LRP1B: variants seen among roughly 807,000 people sequenced by gnomAD.
LRP1B encodes LDL receptor related protein 1B.
Under a neutral mutation model 556.6 loss-of-function variants are expected in LRP1B, and 217 were observed. That is an observed-to-expected ratio of 0.39 (90% CI 0.35 to 0.44). The LOEUF (loss-of-function observed/expected upper bound fraction) is 0.44, where lower values mean the gene tolerates loss of function less well. LRP1B is among the 20% of genes least tolerant of loss of function. LRP1B has a pLI of 1.00. For missense variants in LRP1B, 5,053 were observed against 5,620.8 expected (o/e 0.90, Z 3.23); for synonymous variants, 2,047 against 1,865.8 (o/e 1.10, Z -2.50).
chr2:142,121,277 C>A (rs564528018), intron 1 of LRP1B, among the ~76,000 whole-genome samples: 2 of 152,154 alleles, frequency 1.3e-5, no homozygotes, highest in Non-Finnish European at 2.9e-5. Context: ...TCAGACCAAG[C>A]ATGATCTCTT....
intron 43 of LRP1B, among the ~76,000 whole-genome samples, chr2:140,579,037 G>A (rs1158215614): frequency 6.6e-6 from 1 of 152,026 alleles, no homozygotes; most frequent in African/African-American, 2.4e-5. Context: ...CGAGGAGACG[G>A]AACAGGGGAA....
At chr2:140,285,750 T>A (rs1224405343) in intron 84 of LRP1B, among the ~76,000 whole-genome samples, 2 of 151,776 alleles carry the variant, frequency 1.3e-5, no homozygotes, top group African/African-American at 4.8e-5. Flanking sequence ...AATTAATCAA[T>A]AAAATACTAA....
At position 140,501,620 on chromosome 2, in the gene LRP1B, T is replaced by A. The variant is rs1412645634; in HGVS notation, c.8850+67A>T. The A allele has an allele frequency of 3.3e-6, 4 of 1,204,108 alleles. No individual in the cohort carries two copies. The East Asian group carries it at 7.5e-5, about 23-fold the overall frequency. 74.6% of individuals were successfully genotyped at this position (1,204,108 alleles called of 1,614,324 possible). A position where few individuals can be genotyped will look rare whatever the true frequency, so the allele number is the denominator to read the frequency against. On this transcript the variant is annotated intron_variant, in intron 55 of 90. Transcript: ENST00000389484. ...TTTTAACTTTTTCATCTATATTGGA[T>A]TAAATAGCTTTCTTAACCTCCAATT... is the stretch of plus-strand genomic sequence containing the variant.
At chr2:140,271,028 T>C (rs1297609170) in intron 85 of LRP1B, among the ~76,000 whole-genome samples, 1 of 151,994 alleles carries the variant, frequency 6.6e-6, no homozygotes, top group Admixed American at 6.6e-5. Context: ...CAAATGTTTC[T>C]AAGTTAAAGT....
chr2:140,675,096 C>T (rs1384204947), intron 41 of LRP1B, among the ~76,000 whole-genome samples: 2 of 152,188 alleles, frequency 1.3e-5, no homozygotes. Context: ...TTTCTCACTG[C>T]CTTTTGACTC....
At chr2:141,407,057 T>C (rs939157231) in intron 3 of LRP1B, among the ~76,000 whole-genome samples, 2 of 152,172 alleles carry the variant, frequency 1.3e-5, no homozygotes, top group African/African-American at 2.4e-5. Flanking sequence ...ATTGATTATA[T>C]AGAGATAATT....
intron 1 of LRP1B, among the ~76,000 whole-genome samples, chr2:141,883,914 C>T (rs572941088): frequency 6.6e-6 from 1 of 152,246 alleles, no homozygotes; most frequent in East Asian, 1.9e-4. Flanking sequence ...CAAGTTGATA[C>T]TTTTTATCTT....
chr2:140,736,947 C>T (rs1291179976), intron 35 of LRP1B, among the ~76,000 whole-genome samples: 1 of 152,114 alleles, frequency 6.6e-6, no homozygotes, highest in Non-Finnish European at 1.5e-5. Context: ...TCGAGGGAGG[C>T]TTGACCTGAA....
At chr2:140,741,510 GTACATGTGCAGGTTTGT>G (rs1688136826) in intron 35 of LRP1B, among the ~76,000 whole-genome samples, 1 of 151,956 alleles carries the variant, frequency 6.6e-6, no homozygotes, top group Non-Finnish European at 1.5e-5. Flanking sequence ...GGTTTAGTGG[GTACATGTGCAGGTTTGT>G]TACATGGGTA....
At chr2:140,472,846 T>G (rs1687826001) in intron 60 of LRP1B, among the ~76,000 whole-genome samples, 1 of 152,086 alleles carries the variant, frequency 6.6e-6, no homozygotes, top group African/African-American at 2.4e-5. Context: ...TCTCATATGT[T>G]TTTTATATTC....
In LRP1B at chr2:141,218,135, T is replaced by C. The variant is rs558537166; in HGVS notation, c.850+11048A>G. On this transcript the variant is annotated intron_variant, in intron 6 of 90. Coordinates refer to ENST00000389484, the MANE Select transcript of LRP1B (RefSeq NM_018557.3). The stretch of plus-strand genomic sequence containing the variant: ...AAACACTCATACACTGTTGGTGGGA[T>C]TGTAAATTAGTTCTCGATTGCAGAA... Among the ~76,000 whole-genome samples the C allele has an allele frequency of 7.9e-5, 12 of 152,246 alleles. No individual in the cohort carries two copies. The South Asian group carries it at 2.1e-3, about 26-fold the overall frequency.
rs992243110 is a variant in LRP1B at position 140,985,501 on chromosome 2, G to C, written c.2771-3225C>G. Among the ~76,000 whole-genome samples, 5 of 151,662 alleles carry C rather than the reference G, an allele frequency of 3.3e-5. No individual in the cohort carries two copies. The East Asian group carries it at 9.7e-4, about 30-fold the overall frequency. On this transcript the variant is annotated intron_variant, in intron 17 of 90. Transcript: ENST00000389484. ...AGGCTTGAATATAAGGAATGATCATGTTACTACGAGGAAACATAATTTCAA... is the reference window on the plus strand; with the variant it reads ...AGGCTTGAATATAAGGAATGATCATCTTACTACGAGGAAACATAATTTCAA...
intron 1 of LRP1B, among the ~76,000 whole-genome samples, chr2:141,858,220 A>T (rs570226872): frequency 2.6e-4 from 40 of 152,222 alleles, no homozygotes; most frequent in African/African-American, 8.9e-4. Context: ...ACTAATTGCC[A>T]TTTACTCCCA....
At chr2:141,079,075 A>G (rs942885869) in intron 7 of LRP1B, among the ~76,000 whole-genome samples, 14 of 151,926 alleles carry the variant, frequency 9.2e-5, no homozygotes, top group Non-Finnish European at 1.3e-4. Flanking sequence ...TCTGTTCTGT[A>G]TAGTATCATG....
At position 142,043,582 on chromosome 2, in the gene LRP1B, T is replaced by C. The variant is rs970643949; in HGVS notation, c.82+87066A>G. 6.6e-5 allele frequency among the ~76,000 whole-genome samples: 10 copies of C among 151,704 alleles called. No homozygotes were observed. The South Asian group carries it at 2.1e-3, about 32-fold the overall frequency. ...AGGTAAGTGGGAGGGAAAGTATATA[T>C]CATCAGTGTATTTGGTATGATGTCA... is the stretch of plus-strand genomic sequence containing the variant. On this transcript the variant is annotated intron_variant, in intron 1 of 90. Transcript: ENST00000389484.
intron 69 of LRP1B, 98 bp downstream of exon 69, chr2:140,372,910 T>G: frequency 5.6e-6 from 7 of 1,239,528 alleles, no homozygotes; most frequent in Non-Finnish European, 8.1e-6. Flanking sequence ...GGTAAACATA[T>G]GACATATTTG....
At chr2:141,588,879 G>T (rs891946369) in intron 2 of LRP1B, among the ~76,000 whole-genome samples, 3 of 152,156 alleles carry the variant, frequency 2.0e-5, no homozygotes, top group Admixed American at 6.5e-5. Context: ...CATTTAGGGG[G>T]ATAAACAGGG....
chr2:141,410,934 T>C (rs1297850333), intron 3 of LRP1B, among the ~76,000 whole-genome samples: 1 of 152,006 alleles, frequency 6.6e-6, no homozygotes, highest in Non-Finnish European at 1.5e-5. Flanking sequence ...ATTCTAAGTA[T>C]TTAAAAATGC....
At position 140,828,609 on chromosome 2, in the gene LRP1B, A is replaced by AAAC. The variant is rs1245429650; in HGVS notation, c.5209+11381_5209+11382insGTT. ...GGGCGACAGAGCGAGACTCCGTCTC[A>AAAC]AAAAAAAAAAAAAAAAAAAAAATAC... On this transcript the variant is annotated intron_variant, in intron 31 of 90. Transcript: ENST00000389484. 4.3e-3 allele frequency among the ~76,000 whole-genome samples: 101 copies of AAAC among 23,632 alleles called. 19 individuals carry two copies. The East Asian group carries it at 0.11, about 26-fold the overall frequency. 15.5% of individuals were successfully genotyped at this position (23,632 alleles called of 152,430 possible). A position where few individuals can be genotyped will look rare whatever the true frequency, so the allele number is the denominator to read the frequency against.
Sources: allele counts gnomAD v4.1 joint callset (sites outside exome capture counted in the v4.1 genomes callset), GRCh38; gene constraint gnomAD v4.1.1; transcripts MANE v1.5; gene names NCBI Gene and HGNC (gene_info 2026-07-23, HGNC 2026-07-21).